Variants in ANO6 observed in about 807,000 individuals in gnomAD.
ANO6 encodes the protein anoctamin 6.
ANO6 carries 106 observed loss-of-function variants against 117.5 expected under a neutral mutation model. The observed-to-expected ratio is 0.90, with a 90% CI of 0.77 to 1.06. The LOEUF (loss-of-function observed/expected upper bound fraction) is 1.06. ANO6 is among the 50% of genes least tolerant of loss of function. ANO6 has a pLI of 0.00. For missense variants in ANO6, 955 were observed against 1,121.1 expected, an observed-to-expected ratio of 0.85 and a Z score of 2.12; for synonymous variants, 367 against 385.1, an observed-to-expected ratio of 0.95 and a Z score of 0.55.
chr12:45,397,696 G>T (rs1231682251), intron 12 of ANO6, among the ~76,000 whole-genome samples: 2 of 152,182 alleles, frequency 1.3e-5, no homozygotes, highest in Non-Finnish European at 2.9e-5. Context: ...GGACATGGAT[G>T]AAGCTGGAAA....
Position 45,412,257 on chromosome 12 carries a change from G to A in ANO6, c.2011+2770G>A, listed in dbSNP as rs144955137. ...TCAGTAATGTACTGCAGACACAGGT[G>A]TCCTGAGAACTTGATGAGGCCTTCC... On this transcript the variant is annotated intron_variant, in intron 16 of 19. Transcript: ENST00000320560. Among the ~76,000 whole-genome samples, 194 of 152,290 alleles carry A rather than the reference G, an allele frequency of 1.3e-3. 2 individuals carry two copies. The highest frequency in any genetic ancestry group is 4.3e-3 in the African/African-American group (180 of 41,570).
At chr12:45,268,955 T>C (rs1018424762) in intron 1 of ANO6, among the ~76,000 whole-genome samples, 1 of 152,198 alleles carries the variant, frequency 6.6e-6, no homozygotes, top group Admixed American at 6.5e-5. Flanking sequence ...AGCTCTCTAA[T>C]GGAATGTGAG....
At chr12:45,235,430 G>C (rs1005558369) in intron 1 of ANO6, among the ~76,000 whole-genome samples, 88 of 152,294 alleles carry the variant, frequency 5.8e-4, no homozygotes, top group African/African-American at 2.0e-3. Context: ...CTTCAGCTTG[G>C]CACGTAAGAA....
At chr12:45,378,382 G>A (rs1358545537) in intron 10 of ANO6, among the ~76,000 whole-genome samples, 1 of 151,988 alleles carries the variant, frequency 6.6e-6, no homozygotes, top group Non-Finnish European at 1.5e-5. Flanking sequence ...TCAGGCATGG[G>A]TTGGCTCAGC....
intron 1 of ANO6, among the ~76,000 whole-genome samples, chr12:45,217,302 G>T: frequency 6.6e-6 from 1 of 152,146 alleles, no homozygotes; most frequent in East Asian, 1.9e-4. Flanking sequence ...CTGTTGTGGC[G>T]ACTCGGCTTA....
intron 1 of ANO6, among the ~76,000 whole-genome samples, chr12:45,291,959 C>G (rs1939115739): frequency 6.6e-6 from 1 of 152,144 alleles, no homozygotes; most frequent in African/African-American, 2.4e-5. Context: ...GTTCCAAATC[C>G]TAGATATACA....
chr12:45,317,133 T>TATATATATATGTATATATA (rs34406866), intron 2 of ANO6, among the ~76,000 whole-genome samples: 2 of 69,542 alleles, frequency 2.9e-5, no homozygotes, highest in African/African-American at 4.6e-5. Context: ...ATATATATAT[T>TATATATATATGTATATATA]TATTATACTT....
At chr12:45,283,144 T>C (rs1056476361) in intron 1 of ANO6, among the ~76,000 whole-genome samples, 2 of 152,212 alleles carry the variant, frequency 1.3e-5, no homozygotes, top group Non-Finnish European at 2.9e-5. Flanking sequence ...ATATTTATAT[T>C]TTTCCAAATG....
At chr12:45,305,040 C>T (rs1156446356) in intron 2 of ANO6, among the ~76,000 whole-genome samples, 3 of 152,188 alleles carry the variant, frequency 2.0e-5, no homozygotes, top group Admixed American at 6.5e-5. Flanking sequence ...TCTTCTCCAG[C>T]TCCTGCCCCA....
chr12:45,238,499 C>T (rs953706856), intron 1 of ANO6, among the ~76,000 whole-genome samples: 3 of 152,042 alleles, frequency 2.0e-5, no homozygotes, highest in Admixed American at 1.3e-4. Context: ...CAAACAGGGA[C>T]AGTCTGACTT....
At chr12:45,220,511 G>A (rs1947380377) in intron 1 of ANO6, among the ~76,000 whole-genome samples, 2 of 152,104 alleles carry the variant, frequency 1.3e-5, no homozygotes, top group South Asian at 2.1e-4. Flanking sequence ...AACATTGATT[G>A]AGCAATCCTT....
chr12:45,303,052 A>T (rs913822159), intron 2 of ANO6, among the ~76,000 whole-genome samples: 12 of 152,336 alleles, frequency 7.9e-5, no homozygotes, highest in Non-Finnish European at 1.5e-4. Context: ...TGGATTGCCT[A>T]GTCAATTCAA....
chr12:45,236,428 G>GT (rs1947646220), intron 1 of ANO6, among the ~76,000 whole-genome samples: 1 of 152,070 alleles, frequency 6.6e-6, no homozygotes, highest in Non-Finnish European at 1.5e-5. Context: ...TCCCCACCCT[G>GT]TGTCCAAGTG....
intron 2 of ANO6, among the ~76,000 whole-genome samples, chr12:45,327,543 A>G (rs1940511510): frequency 6.6e-6 from 1 of 152,218 alleles, no homozygotes; most frequent in Non-Finnish European, 1.5e-5. Context: ...CAGTGGAGGA[A>G]CTGTTTTACT....
chr12:45,363,331 G>A (rs1941603139), intron 8 of ANO6, among the ~76,000 whole-genome samples: 1 of 152,130 alleles, frequency 6.6e-6, no homozygotes, highest in African/African-American at 2.4e-5. Context: ...TTGGGAGGCT[G>A]AGGGTGGCAG....
chr12:45,230,421 A>G (rs886511108), intron 1 of ANO6, among the ~76,000 whole-genome samples: 1 of 149,740 alleles, frequency 6.7e-6, no homozygotes, highest in African/African-American at 2.4e-5. Flanking sequence ...TATAATATTA[A>G]TATGTATAAA....
intron 9 of ANO6, 64 bp downstream of exon 9, chr12:45,367,857 A>G: frequency 1.7e-6 from 2 of 1,187,854 alleles, no homozygotes; most frequent in South Asian, 2.4e-5. Flanking sequence ...GCTAATTTAG[A>G]TAAAACATAG....
At chr12:45,329,336 G>A (rs570824560) in intron 2 of ANO6, among the ~76,000 whole-genome samples, 29 of 152,234 alleles carry the variant, frequency 1.9e-4, no homozygotes, top group African/African-American at 6.7e-4. Flanking sequence ...AGTAGAGACT[G>A]GCACTCTTTT....
At chr12:45,331,444 C>G in intron 3 of ANO6, 21 bp downstream of exon 3, 1 of 1,584,138 alleles carries the variant, frequency 6.3e-7, no homozygotes, top group Non-Finnish European at 8.6e-7. Flanking sequence ...ATGCTATTTT[C>G]CTTTCTTTTT....
Sources: allele counts gnomAD v4.1 joint callset (sites outside exome capture counted in the v4.1 genomes callset), GRCh38; gene constraint gnomAD v4.1.1; transcripts MANE v1.5; gene names NCBI Gene and HGNC (gene_info 2026-07-23, HGNC 2026-07-21).